GPR45: variants seen among roughly 807,000 people sequenced by gnomAD.
GPR45 encodes the protein G protein-coupled receptor 45, also known as probable G protein-coupled receptor 45.
In GPR45, 7 loss-of-function variants were observed where a neutral mutation model predicts 5.9. The ratio of observed to expected loss-of-function variants is 1.19; its 90% CI spans 0.68 to 2.23. The LOEUF is 2.23. Ranked by LOEUF, GPR45 falls within the 30% of genes most tolerant of loss-of-function variation. GPR45 has a pLI of 0.00. For synonymous variants in GPR45, 220 were observed against 226.3 expected, an observed-to-expected ratio of 0.97 and a Z score of 0.25; for missense variants, 440 against 496.9, an observed-to-expected ratio of 0.89 and a Z score of 1.09.
In GPR45 at chr2:105,242,848, A is replaced by T. The variant is rs1189965989; in HGVS notation, c.990A>T (p.Lys330Asn). The T allele has an allele frequency of 2.5e-6, 4 of 1,614,086 alleles. No individual in the cohort carries two copies. Among genetic ancestry groups the T allele is most frequent in the African/African-American group, 1.3e-5 (1 of 74,954 alleles). Residue 330 changes from lysine (K) to asparagine (N), a missense_variant, in exon 1 of 1, where the codon AAA becomes AAT. Lys to Asn is a moderately conservative substitution (Grantham distance 94, BLOSUM62 0). Coordinates refer to ENST00000258456, the MANE Select transcript of GPR45 (RefSeq NM_007227.3). The surrounding 1 kb of genome is among the most constrained non-coding windows in gnomAD (Gnocchi z 4.8). ...NPIVYCWRIK[K>N]FREACIELLP... is the part of the protein sequence containing the mutation. ...TCGTCTACTGCTGGAGAATCAAAAA[A>T]TTCCGCGAGGCCTGCATAGAGTTGC...
Position 105,242,292 on chromosome 2 carries a change from C to G in GPR45, c.434C>G (p.Pro145Arg). The change falls in exon 1 of 1, where the codon CCG becomes CGG. Residue 145 changes from proline to arginine, a missense_variant. Physicochemically the swap from Pro to Arg is moderately radical, Grantham distance 103 (BLOSUM62 -2). Transcript: ENST00000258456. This position sits in a 1 kb window ranked among gnomAD's most constrained non-coding sequence, Gnocchi z 4.8. ...GTCCAGCGCCAGGACAAGCTGAACC[C>G]GCGCAGGGCCAAGGTGATCATCGCG... ...IIVQRQDKLNPRRAKVIIAVS... is the reference protein window; with the variant it reads ...IIVQRQDKLNRRRAKVIIAVS... 1 of 1,614,104 alleles carries G rather than the reference C, an allele frequency of 6.2e-7. No homozygotes were observed.
Position 105,242,766 on chromosome 2 carries a change from A to G in GPR45, c.908A>G (p.Tyr303Cys), listed in dbSNP as rs1676376257. The G allele has an allele frequency of 3.1e-6, 5 of 1,614,084 alleles. No individual in the cohort carries two copies. Among genetic ancestry groups the G allele is most frequent in the Non-Finnish European group, 4.2e-6 (5 of 1,179,996 alleles). Residue 303 changes from tyrosine (Y) to cysteine (C), a missense_variant, in exon 1 of 1, where the codon TAC becomes TGC. Tyr to Cys is a radical substitution (Grantham distance 194, BLOSUM62 -2). Transcript: ENST00000258456. This position sits in a 1 kb window ranked among gnomAD's most constrained non-coding sequence, Gnocchi z 4.8. Reference protein sequence around the residue: ...SQRFYCGSSFYATSTCVLWLS... With the variant: ...SQRFYCGSSFCATSTCVLWLS... ...CGCTTTTACTGCGGTTCCTCCTTCTACGCCACCAGCACCTGCGTCCTGTGG... is the reference window on the plus strand; with the variant it reads ...CGCTTTTACTGCGGTTCCTCCTTCTGCGCCACCAGCACCTGCGTCCTGTGG...
chr2:105,243,146 T>C lies in GPR45; in HGVS notation c.*169T>C, dbSNP rs1676383070. On this transcript the variant is annotated 3_prime_UTR_variant, in exon 1 of 1. Transcript: ENST00000258456. ...GCTGCAGCTCCCAAATTTCAAATTT[T>C]GGCACGATGAATTATTTTTGTTTCT... is the stretch of plus-strand genomic sequence containing the variant. 1 of 872,792 alleles carries C rather than the reference T, an allele frequency of 1.1e-6. No homozygotes were observed. Among genetic ancestry groups the C allele is most frequent in the Non-Finnish European group, 1.7e-6 (1 of 584,552 alleles). 54.1% of individuals were successfully genotyped at this position (872,792 alleles called of 1,614,324 possible).
Position 105,243,166 on chromosome 2 carries a change from G to C in GPR45, c.*189G>C. The C allele has an allele frequency of 1.3e-6, 1 of 756,958 alleles. No individual in the cohort carries two copies. Among genetic ancestry groups the C allele is most frequent in the Non-Finnish European group, 2.1e-6 (1 of 479,818 alleles). 46.9% of individuals were successfully genotyped at this position (756,958 alleles called of 1,614,324 possible). A position where few individuals can be genotyped will look rare whatever the true frequency, so the allele number is the denominator to read the frequency against. ...AATTTTGGCACGATGAATTATTTTT[G>C]TTTCTCTTTGCAGAGAGCCAAATAT... is the stretch of plus-strand genomic sequence containing the variant. On this transcript the variant is annotated 3_prime_UTR_variant, in exon 1 of 1. Coordinates refer to ENST00000258456, the MANE Select transcript of GPR45 (RefSeq NM_007227.3).
chr2:105,242,385 C>T lies in GPR45; in HGVS notation c.527C>T (p.Pro176Leu), dbSNP rs374437830. 1 of 1,612,288 alleles carries T rather than the reference C, an allele frequency of 6.2e-7. No homozygotes were observed. The highest frequency in any genetic ancestry group is 8.5e-7 in the Non-Finnish European group (1 of 1,179,524). ...ACGGGCTGGACGCTGGTGGAGGTGCCGGCGCGGGCCCCACAGTGCGTGCTG... is the reference window on the plus strand; with the variant it reads ...ACGGGCTGGACGCTGGTGGAGGTGCTGGCGCGGGCCCCACAGTGCGTGCTG... ...SLTGWTLVEV[P>L]ARAPQCVLGY... Residue 176 changes from proline to leucine, a missense_variant, in exon 1 of 1, where the codon CCG (proline) becomes CTG (leucine). By Grantham distance (98) the Pro-to-Leu change is moderately conservative. Coordinates refer to ENST00000258456, the MANE Select transcript of GPR45 (RefSeq NM_007227.3). This position sits in a 1 kb window ranked among gnomAD's most constrained non-coding sequence, Gnocchi z 4.8.
rs770278854 is a variant in GPR45 at position 105,242,266 on chromosome 2, C to T, written c.408C>T (p.Ile136=). The change falls in exon 1 of 1, where the codon ATC becomes ATT. Residue 136 remains isoleucine, a synonymous_variant. Transcript: ENST00000258456. This position sits in a 1 kb window ranked among gnomAD's most constrained non-coding sequence, Gnocchi z 4.8. ...TCAGCGTGGACCGCTTCCTCATCATCGTCCAGCGCCAGGACAAGCTGAACC... is the reference window on the plus strand; with the variant it reads ...TCAGCGTGGACCGCTTCCTCATCATTGTCCAGCGCCAGGACAAGCTGAACC... The part of the protein sequence containing the change: ...LIISVDRFLI[I]VQRQDKLNPR... 1 of 1,614,170 alleles carries T rather than the reference C, an allele frequency of 6.2e-7. No individual in the cohort carries two copies. Among genetic ancestry groups the T allele is most frequent in the Non-Finnish European group, 8.5e-7 (1 of 1,180,048 alleles).
At position 105,243,166 on chromosome 2, in the gene GPR45, G is replaced by T; in HGVS notation, c.*189G>T. ...AATTTTGGCACGATGAATTATTTTT[G>T]TTTCTCTTTGCAGAGAGCCAAATAT... On this transcript the variant is annotated 3_prime_UTR_variant, in exon 1 of 1. Coordinates refer to ENST00000258456, the MANE Select transcript of GPR45 (RefSeq NM_007227.3). 1 of 756,956 alleles carries T rather than the reference G, an allele frequency of 1.3e-6. No individual in the cohort carries two copies. The highest frequency in any genetic ancestry group is 2.1e-6 in the Non-Finnish European group (1 of 479,816). The allele number at this position is 756,956 out of a possible 1,614,324, so 46.9% of individuals were successfully genotyped here.
chr2:105,242,799 A>G lies in GPR45; in HGVS notation c.941A>G (p.Tyr314Cys). ...ATSTCVLWLS[Y>C]LKSVFNPIVY... is the part of the protein sequence containing the mutation. ...AGCACCTGCGTCCTGTGGCTCAGTT[A>G]CCTCAAGTCCGTCTTCAACCCCATC... is the stretch of plus-strand genomic sequence containing the variant. The change falls in exon 1 of 1, where the codon TAC becomes TGC. Residue 314 changes from tyrosine (Y) to cysteine (C), a missense_variant. Physicochemically the swap from Tyr to Cys is radical, Grantham distance 194. Transcript: ENST00000258456. The surrounding 1 kb of genome is among the most constrained non-coding windows in gnomAD (Gnocchi z 4.8). 2 of 1,614,158 alleles carry G rather than the reference A, an allele frequency of 1.2e-6. No homozygotes were observed. Among genetic ancestry groups the G allele is most frequent in the Non-Finnish European group, 1.7e-6 (2 of 1,180,030 alleles).
chr2:105,242,339 T>G lies in GPR45; in HGVS notation c.481T>G (p.Cys161Gly). The G allele has an allele frequency of 1.2e-6, 2 of 1,613,778 alleles. No homozygotes were observed. The highest frequency in any genetic ancestry group is 2.7e-5 in the African/African-American group (2 of 75,068). ...IIAVSWVLSF[C>G]IAGPSLTGWT... ...CGCGGTCTCCTGGGTGCTGTCCTTC[T>G]GCATCGCGGGGCCCTCGCTCACGGG... The change falls in exon 1 of 1, where the codon TGC becomes GGC. Residue 161 changes from cysteine to glycine, a missense_variant. Transcript: ENST00000258456. This position sits in a 1 kb window ranked among gnomAD's most constrained non-coding sequence, Gnocchi z 4.8.
rs772389450 is a variant in GPR45 at position 105,241,876 on chromosome 2, G to A, written c.18G>A (p.Thr6=). MACNS[T]SLEAYTYLLL... ...TCTCCACGATGGCCTGCAACAGCAC[G>A]TCCCTTGAGGCTTACACATACCTGC... Residue 6 remains threonine, a synonymous_variant, in exon 1 of 1, where the codon ACG becomes ACA. Coordinates refer to ENST00000258456, the MANE Select transcript of GPR45 (RefSeq NM_007227.3). 20 of 1,565,944 alleles carry A rather than the reference G, an allele frequency of 1.3e-5. No individual in the cohort carries two copies. Among genetic ancestry groups the A allele is most frequent in the African/African-American group, 2.7e-5 (2 of 74,102 alleles).
At position 105,242,156 on chromosome 2, in the gene GPR45, TG is replaced by T; in HGVS notation, c.300del (p.Trp100CysfsTer44). The T allele has an allele frequency of 6.2e-7, 1 of 1,614,122 alleles. No homozygotes were observed. The highest frequency in any genetic ancestry group is 8.5e-7 in the Non-Finnish European group (1 of 1,180,034). Reference protein sequence around the residue: ...FTAVTLITVRWHFGDHFCRLS... With the variant: ...FTAVTLITVRXHFGDHFCRLS... ...CGCCGTCACCCTCATCACCGTGCGCTGGCACTTTGGGGACCACTTCTGCCGC... is the reference window on the plus strand; with the variant it reads ...CGCCGTCACCCTCATCACCGTGCGCTGCACTTTGGGGACCACTTCTGCCGC... On this transcript the variant is annotated frameshift_variant, in exon 1 of 1. Transcript: ENST00000258456. LOFTEE classifies it low-confidence loss of function (END_TRUNC). The surrounding 1 kb of genome is among the most constrained non-coding windows in gnomAD (Gnocchi z 4.8).
rs1376066935 is a variant in GPR45, at chr2:105,242,963, C to A, written c.1105C>A (p.Gln369Lys). 44 of 1,613,364 alleles carry A rather than the reference C, an allele frequency of 2.7e-5. No homozygotes were observed. Among genetic ancestry groups the A allele is most frequent in the Non-Finnish European group, 3.3e-5 (39 of 1,179,436 alleles). ...PSTVYVCNEN[Q>K]SAV is the part of the protein sequence containing the mutation. ...CACAGTCTACGTGTGCAATGAAAAC[C>A]AGTCTGCGGTTTAGGGGGTCAGGGG... Residue 369 changes from glutamine to lysine, a missense_variant, in exon 1 of 1, where the codon CAG (glutamine) becomes AAG (lysine). Physicochemically the swap from Gln to Lys is moderately conservative, Grantham distance 53 (BLOSUM62 1). Transcript: ENST00000258456. The surrounding 1 kb of genome is among the most constrained non-coding windows in gnomAD (Gnocchi z 4.8).
Position 105,242,605 on chromosome 2 carries a change from G to A in GPR45, c.747G>A (p.Leu249=). ...TCACCAGGGCGGGCCTGCGGCGCCTGCAGCGGCAGCAACAGGTCAGCGTGG... is the reference window on the plus strand; with the variant it reads ...TCACCAGGGCGGGCCTGCGGCGCCTACAGCGGCAGCAACAGGTCAGCGTGG... The part of the protein sequence containing the change: ...RQLTRAGLRR[L]QRQQQVSVDL... The change falls in exon 1 of 1, where the codon CTG becomes CTA. Residue 249 remains leucine, a synonymous_variant. Coordinates refer to ENST00000258456, the MANE Select transcript of GPR45 (RefSeq NM_007227.3). The surrounding 1 kb of genome is among the most constrained non-coding windows in gnomAD (Gnocchi z 4.8). The A allele has an allele frequency of 6.2e-7, 1 of 1,608,990 alleles. No individual in the cohort carries two copies. The highest frequency in any genetic ancestry group is 2.2e-5 in the East Asian group (1 of 44,776).
Position 105,242,234 on chromosome 2 carries a change from C to G in GPR45, c.376C>G (p.Leu126Val), listed in dbSNP as rs1028077098. Residue 126 changes from leucine (L) to valine (V), a missense_variant, in exon 1 of 1, where the codon CTC becomes GTC. Transcript: ENST00000258456. This position sits in a 1 kb window ranked among gnomAD's most constrained non-coding sequence, Gnocchi z 4.8. Reference sequence around the variant, plus strand: ...TGTCCTGGAGGGCGTGGCCATCCTGCTCATCATCAGCGTGGACCGCTTCCT... The same window carrying G: ...TGTCCTGGAGGGCGTGGCCATCCTGGTCATCATCAGCGTGGACCGCTTCCT... ...FFVLEGVAIL[L>V]IISVDRFLII... 2.5e-6 allele frequency: 4 copies of G among 1,614,066 alleles called. No individual in the cohort carries two copies. Among genetic ancestry groups the G allele is most frequent in the Non-Finnish European group, 3.4e-6 (4 of 1,180,042 alleles).
In GPR45 at chr2:105,243,052, C is replaced by T. The variant is rs1468137038; in HGVS notation, c.*75C>T. The T allele has an allele frequency of 2.0e-6, 3 of 1,514,894 alleles. No individual in the cohort carries two copies. Among genetic ancestry groups the T allele is most frequent in the Non-Finnish European group, 2.7e-6 (3 of 1,123,300 alleles). 93.8% of individuals were successfully genotyped at this position (1,514,894 alleles called of 1,614,324 possible). ...GGATCTGTCCTGCTCTGTTCCCTGG[C>T]ATGTTGGTCATAGTCTGCACTTTGT... On this transcript the variant is annotated 3_prime_UTR_variant, in exon 1 of 1. Coordinates refer to ENST00000258456, the MANE Select transcript of GPR45 (RefSeq NM_007227.3).
In GPR45 at chr2:105,242,447, G is replaced by A. The variant is rs1265654433; in HGVS notation, c.589G>A (p.Val197Ile). The change falls in exon 1 of 1, where the codon GTC (valine) becomes ATC (isoleucine). Residue 197 changes from valine to isoleucine, a missense_variant. Physicochemically the swap from Val to Ile is conservative, Grantham distance 29 (BLOSUM62 3). Transcript: ENST00000258456. This position sits in a 1 kb window ranked among gnomAD's most constrained non-coding sequence, Gnocchi z 4.8. The part of the protein sequence containing the change: ...TELPADRAYV[V>I]TLVVAVFFAP... Reference sequence around the variant, plus strand: ...GCTCCCCGCTGACCGCGCCTACGTGGTCACCTTGGTGGTGGCCGTGTTCTT... The same window carrying A: ...GCTCCCCGCTGACCGCGCCTACGTGATCACCTTGGTGGTGGCCGTGTTCTT... 2 of 1,608,376 alleles carry A rather than the reference G, an allele frequency of 1.2e-6. No homozygotes were observed. The highest frequency in any genetic ancestry group is 1.7e-6 in the Non-Finnish European group (2 of 1,179,802).
At position 105,242,370 on chromosome 2, in the gene GPR45, C is replaced by T. The variant is rs562662336; in HGVS notation, c.512C>T (p.Thr171Met). ...GCGGGGCCCTCGCTCACGGGCTGGA[C>T]GCTGGTGGAGGTGCCGGCGCGGGCC... ...CIAGPSLTGW[T>M]LVEVPARAPQ... is the part of the protein sequence containing the mutation. The change falls in exon 1 of 1, where the codon ACG becomes ATG. Residue 171 changes from threonine to methionine, a missense_variant. Transcript: ENST00000258456. The surrounding 1 kb of genome is among the most constrained non-coding windows in gnomAD (Gnocchi z 4.8). The T allele has an allele frequency of 3.7e-6, 6 of 1,613,066 alleles. No homozygotes were observed. Among genetic ancestry groups the T allele is most frequent in the African/African-American group, 2.7e-5 (2 of 75,054 alleles).
rs1676357959 is a variant in GPR45 at position 105,241,864 on chromosome 2, C to T, written c.6C>T (p.Ala2=). The T allele has an allele frequency of 1.9e-6, 3 of 1,557,654 alleles. No homozygotes were observed. The highest frequency in any genetic ancestry group is 1.7e-6 in the Non-Finnish European group (2 of 1,147,054). The part of the protein sequence containing the change: M[A]CNSTSLEAYT... ...GCTCCAAGGGTCTCTCCACGATGGC[C>T]TGCAACAGCACGTCCCTTGAGGCTT... Residue 2 remains alanine (A), a synonymous_variant, in exon 1 of 1, where the codon GCC becomes GCT. Coordinates refer to ENST00000258456, the MANE Select transcript of GPR45 (RefSeq NM_007227.3).
In GPR45 at chr2:105,242,443, C is replaced by T. The variant is rs767278498; in HGVS notation, c.585C>T (p.Tyr195=). ...GYTELPADRA[Y]VVTLVVAVFF... is the part of the protein sequence containing the mutation. ...CGGAGCTCCCCGCTGACCGCGCCTA[C>T]GTGGTCACCTTGGTGGTGGCCGTGT... The change falls in exon 1 of 1, where the codon TAC becomes TAT. Residue 195 remains tyrosine, a synonymous_variant. Coordinates refer to ENST00000258456, the MANE Select transcript of GPR45 (RefSeq NM_007227.3). This position sits in a 1 kb window ranked among gnomAD's most constrained non-coding sequence, Gnocchi z 4.8. 4 of 1,608,776 alleles carry T rather than the reference C, an allele frequency of 2.5e-6. No homozygotes were observed. Among genetic ancestry groups the T allele is most frequent in the Admixed American group, 1.7e-5 (1 of 59,986 alleles).
Sources: allele counts gnomAD v4.1 joint callset, GRCh38; gene constraint gnomAD v4.1.1; non-coding constraint Gnocchi (gnomAD v3.1); transcripts MANE v1.5; gene names NCBI Gene and HGNC (gene_info 2026-07-23, HGNC 2026-07-21).